CADPS2: variants seen among roughly 807,000 people sequenced by gnomAD.
The protein encoded by CADPS2 is calcium-dependent secretion activator 2.
CADPS2 carries 93 observed loss-of-function variants against 172.5 expected under a neutral mutation model. The ratio of observed to expected loss-of-function variants is 0.54; its 90% CI spans 0.46 to 0.64. CADPS2 has a LOEUF of 0.64. Among genes scored for constraint, CADPS2 ranks in the 30% least tolerant of loss-of-function variants. The pLI is 0.00. For synonymous variants in CADPS2, 546 were observed against 555.2 expected (o/e 0.98, Z 0.23); for missense variants, 1,420 against 1,565.9 (o/e 0.91, Z 1.57).
chr7:122,438,448 A>G lies in CADPS2; in HGVS notation c.2369T>C (p.Ile790Thr), dbSNP rs1489633050. Residue 790 changes from isoleucine (I) to threonine (T), a missense_variant, in exon 17 of 30, where the codon ATT becomes ACT. Ile to Thr is a moderately conservative substitution (Grantham distance 89). Transcript: ENST00000449022. ...SLLERVLMKDIATPIPAEEVK... is the reference protein window; with the variant it reads ...SLLERVLMKDTATPIPAEEVK... ...CTCTTCTGCTGGTATGGGAGTGGCAATATCTTTCATTAAAACCTACAGAGA... is the reference window on the plus strand; with the variant it reads ...CTCTTCTGCTGGTATGGGAGTGGCAGTATCTTTCATTAAAACCTACAGAGA... 5.0e-6 allele frequency: 8 copies of G among 1,612,728 alleles called. No homozygotes were observed. Among genetic ancestry groups the G allele is most frequent in the African/African-American group, 1.3e-5 (1 of 74,862 alleles).
rs527267850 is a variant in CADPS2, at chr7:122,844,309, C to T, written c.339+41690G>A. Among the ~76,000 whole-genome samples the T allele has an allele frequency of 2.6e-5, 4 of 152,328 alleles. No individual in the cohort carries two copies. In the South Asian group the frequency reaches 8.3e-4, roughly 32 times the overall value. On this transcript the variant is annotated intron_variant, in intron 1 of 29. Transcript: ENST00000449022. ...AAAATTAGTGGTAATCACGCCCTTT[C>T]ATAGTTTTAAAGTTAAAAAAACATC...
chr7:122,575,346 T>C (rs1338664790), intron 7 of CADPS2, among the ~76,000 whole-genome samples: 1 of 152,020 alleles, frequency 6.6e-6, no homozygotes, highest in Non-Finnish European at 1.5e-5. Flanking sequence ...ATAGCACATA[T>C]TTCTGAATCA....
intron 2 of CADPS2, chr7:122,702,487 AG>A: frequency 6.2e-7 from 1 of 1,613,726 alleles, no homozygotes; most frequent in Non-Finnish European, 8.5e-7. Flanking sequence ...AATTGGTCAA[AG>A]GATGACAGGC....
chr7:122,372,572 A>G (rs1465770899), intron 25 of CADPS2, among the ~76,000 whole-genome samples: 3 of 152,336 alleles, frequency 2.0e-5, no homozygotes, highest in African/African-American at 7.2e-5. Context: ...AAAAGAAGAA[A>G]GTGCAGTTTA....
chr7:122,737,773 C>T (rs2092258378), intron 1 of CADPS2, among the ~76,000 whole-genome samples: 1 of 151,986 alleles, frequency 6.6e-6, no homozygotes, highest in Non-Finnish European at 1.5e-5. Context: ...ACAAAATCGC[C>T]AGCTGTTCTA....
At chr7:122,752,405 G>A (rs190659334) in intron 1 of CADPS2, among the ~76,000 whole-genome samples, 2 of 151,848 alleles carry the variant, frequency 1.3e-5, no homozygotes, top group Admixed American at 1.3e-4. Context: ...AAATGTACCT[G>A]GATAACACTG....
intron 2 of CADPS2, among the ~76,000 whole-genome samples, chr7:122,679,265 T>TGGCGGGG (rs1554715350): frequency 2.6e-5 from 1 of 39,146 alleles, no homozygotes; most frequent in Non-Finnish European, 6.0e-5. Context: ...AATGCATTCC[T>TGGCGGGG]GGGGGGGGGG....
chr7:122,504,415 C>T (rs2059457646), intron 9 of CADPS2, among the ~76,000 whole-genome samples: 4 of 152,116 alleles, frequency 2.6e-5, no homozygotes, highest in Admixed American at 2.6e-4. Context: ...GTATAGTCAG[C>T]ACCTGATTGA....
At chr7:122,747,054 C>T (rs2092746557) in intron 1 of CADPS2, among the ~76,000 whole-genome samples, 1 of 152,042 alleles carries the variant, frequency 6.6e-6, no homozygotes, top group African/African-American at 2.4e-5. Context: ...TCATCAAAAG[C>T]AAATGTAAAC....
intron 25 of CADPS2, among the ~76,000 whole-genome samples, chr7:122,369,455 T>C (rs1309660674): frequency 6.6e-6 from 1 of 152,148 alleles, no homozygotes; most frequent in Non-Finnish European, 1.5e-5. Flanking sequence ...AAGGTTACTT[T>C]CCCTCTTTTC....
At chr7:122,623,164 C>T (rs1392362539) in intron 4 of CADPS2, among the ~76,000 whole-genome samples, 1 of 127,104 alleles carries the variant, frequency 7.9e-6, no homozygotes, top group African/African-American at 3.0e-5. Context: ...AGCAACATTC[C>T]AAAACAGCAA....
At chr7:122,847,087 CCT>C (rs1812187528) in intron 1 of CADPS2, among the ~76,000 whole-genome samples, 1 of 152,094 alleles carries the variant, frequency 6.6e-6, no homozygotes, top group Non-Finnish European at 1.5e-5. Flanking sequence ...CACATTCATA[CCT>C]TTTTTTTTCT....
At chr7:122,719,098 C>G (rs971112491) in intron 2 of CADPS2, among the ~76,000 whole-genome samples, 1 of 152,052 alleles carries the variant, frequency 6.6e-6, no homozygotes, top group Middle Eastern at 3.2e-3. Context: ...GAATTCTCAT[C>G]AGAGACATGG....
chr7:122,402,780 C>T (rs1446328876), intron 20 of CADPS2, among the ~76,000 whole-genome samples: 1 of 152,182 alleles, frequency 6.6e-6, no homozygotes, highest in Non-Finnish European at 1.5e-5. Context: ...AACGCACACA[C>T]ACACAGACTG....
intron 20 of CADPS2, among the ~76,000 whole-genome samples, chr7:122,396,630 A>G (rs916736530): frequency 6.6e-6 from 1 of 152,162 alleles, no homozygotes; most frequent in African/African-American, 2.4e-5. Context: ...TTCCTGTGAT[A>G]CAGTCATAAT....
intron 1 of CADPS2, among the ~76,000 whole-genome samples, chr7:122,841,700 C>T (rs181572173): frequency 2.0e-5 from 3 of 152,246 alleles, no homozygotes; most frequent in Admixed American, 6.5e-5. Flanking sequence ...CTCCACACAC[C>T]ATTAAATAAC....
intron 6 of CADPS2, among the ~76,000 whole-genome samples, chr7:122,612,569 T>A (rs987982269): frequency 1.3e-5 from 2 of 152,056 alleles, no homozygotes; most frequent in African/African-American, 4.8e-5. Flanking sequence ...ACATCCCATA[T>A]GTGTGGATCA....
At position 122,604,063 on chromosome 7, in the gene CADPS2, T is replaced by A. The variant is rs1179822459; in HGVS notation, c.1223+11118A>T. Among the ~76,000 whole-genome samples the A allele has an allele frequency of 2.6e-5, 4 of 152,284 alleles. No individual in the cohort carries two copies. The South Asian group carries it at 6.2e-4, about 24-fold the overall frequency. ...CATGTTGGATACCTTGAATACAATCTTTATTTGTTAAGTAGATAATTTTAA... is the reference window on the plus strand; with the variant it reads ...CATGTTGGATACCTTGAATACAATCATTATTTGTTAAGTAGATAATTTTAA... On this transcript the variant is annotated intron_variant, in intron 6 of 29. Coordinates refer to ENST00000449022, the MANE Select transcript of CADPS2 (RefSeq NM_017954.11).
At chr7:122,809,296 G>A (rs1262722150) in intron 1 of CADPS2, among the ~76,000 whole-genome samples, 3 of 151,846 alleles carry the variant, frequency 2.0e-5, no homozygotes, top group Non-Finnish European at 2.9e-5. Flanking sequence ...TCAGCCGGGC[G>A]CAGTGGCTCA....
Sources: allele counts gnomAD v4.1 joint callset (sites outside exome capture counted in the v4.1 genomes callset), GRCh38; gene constraint gnomAD v4.1.1; transcripts MANE v1.5; gene names NCBI Gene and HGNC (gene_info 2026-07-23, HGNC 2026-07-21).